The following DPP6 variants were observed in gnomAD, a reference collection of about 807,000 sequenced individuals.
DPP6 encodes the protein dipeptidyl peptidase like 6, also known as A-type potassium channel modulatory protein DPP6.
In DPP6, 69 loss-of-function variants were observed where a neutral mutation model predicts 122.6. The observed-to-expected ratio is 0.56, with a 90% confidence interval of 0.46 to 0.69. The LOEUF (loss-of-function observed/expected upper bound fraction) is 0.69, where lower values mean the gene tolerates loss of function less well. Among genes scored for constraint, DPP6 ranks in the 30% least tolerant of loss-of-function variants. The pLI, the probability that DPP6 is intolerant of heterozygous loss-of-function variation, is 0.00. For missense variants in DPP6, 928 were observed against 1,116.9 expected (o/e 0.83, Z 2.41); for synonymous variants, 418 against 433.1 (o/e 0.97, Z 0.43).
At chr7:154,014,014 C>T (rs1462680826) in intron 1 of DPP6, among the ~76,000 whole-genome samples, 1 of 152,152 alleles carries the variant, frequency 6.6e-6, no homozygotes, top group African/African-American at 2.4e-5. Context: ...CTCTTCCCAG[C>T]CCAGGATTGC....
At chr7:153,894,303 TTCCATGACC>T (rs1275377090) in intron 1 of DPP6, among the ~76,000 whole-genome samples, 1 of 152,212 alleles carries the variant, frequency 6.6e-6, no homozygotes, top group Non-Finnish European at 1.5e-5. Context: ...CATAGAAGAA[TTCCATGACC>T]TCTTTTGGTT....
the DPP6 span, among the ~76,000 whole-genome samples, chr7:153,864,678 C>T: frequency 9.0e-5 from 2 of 22,284 alleles, no homozygotes; most frequent in African/African-American, 1.8e-4. Flanking sequence ...ATAATACACA[C>T]ACACACACAC....
At chr7:153,899,226 C>CTTCTCCTCCTCCTT (rs1799541417) in intron 1 of DPP6, among the ~76,000 whole-genome samples, 1 of 150,984 alleles carries the variant, frequency 6.6e-6, no homozygotes, top group African/African-American at 2.4e-5. Context: ...TCCTCCTCCT[C>CTTCTCCTCCTCCTT]CTTTGATTAT....
At chr7:153,814,425 G>A in the DPP6 span, among the ~76,000 whole-genome samples, 1 of 152,180 alleles carries the variant, frequency 6.6e-6, no homozygotes, top group South Asian at 2.1e-4. Flanking sequence ...TTGACTCTCT[G>A]AATACACCAA....
chr7:154,757,048 G>A (rs1244883012), intron 8 of DPP6, among the ~76,000 whole-genome samples: 1 of 150,684 alleles, frequency 6.6e-6, no homozygotes, highest in African/African-American at 2.5e-5. Context: ...TGAGGAACAG[G>A]CCAGCCTCTT....
intron 25 of DPP6, among the ~76,000 whole-genome samples, 197 bp from the exon 26 acceptor site, chr7:154,892,133 TCTGA>T (rs1161588279): frequency 6.6e-6 from 1 of 152,102 alleles, no homozygotes; most frequent in African/African-American, 2.4e-5. Context: ...GAGGCGCCCC[TCTGA>T]CTGGGACAGC....
chr7:154,182,604 A>G (rs866057360), intron 1 of DPP6, among the ~76,000 whole-genome samples: 39 of 152,158 alleles, frequency 2.6e-4, no homozygotes, highest in African/African-American at 9.4e-4. Flanking sequence ...CTGCTCACAC[A>G]CAGATGTCAA....
At chr7:153,784,919 A>G in the DPP6 span, among the ~76,000 whole-genome samples, 3 of 152,248 alleles carry the variant, frequency 2.0e-5, no homozygotes, top group Non-Finnish European at 4.4e-5. Flanking sequence ...AATTATTGCA[A>G]AATAACCTCT....
intron 2 of DPP6, among the ~76,000 whole-genome samples, chr7:154,456,187 T>C (rs963549457): frequency 2.6e-5 from 4 of 152,186 alleles, no homozygotes; most frequent in African/African-American, 9.7e-5. Context: ...AAATTCCAGA[T>C]TGAAATGGTT....
intron 1 of DPP6, among the ~76,000 whole-genome samples, chr7:154,400,380 A>G (rs1354102550): frequency 6.6e-6 from 1 of 152,212 alleles, no homozygotes; most frequent in African/African-American, 2.4e-5. Context: ...CTTATGAGGG[A>G]CAATGAAAGG....
chr7:154,830,482 A>G (rs1205767253), intron 16 of DPP6, among the ~76,000 whole-genome samples: 1 of 152,256 alleles, frequency 6.6e-6, no homozygotes, highest in African/African-American at 2.4e-5. Flanking sequence ...ACGTTGTGAC[A>G]TAGATAATTG....
At chr7:153,849,275 CT>C in the DPP6 span, among the ~76,000 whole-genome samples, 40,098 of 146,532 alleles carry the variant, frequency 0.27, 5,386 homozygotes, top group South Asian at 0.43. Flanking sequence ...TATATGTTTT[CT>C]TTTTTTTTTT....
intron 1 of DPP6, among the ~76,000 whole-genome samples, chr7:153,946,078 G>A (rs1801935451): frequency 6.6e-6 from 1 of 152,154 alleles, no homozygotes; most frequent in Admixed American, 6.5e-5. Flanking sequence ...ATAGCTCTGA[G>A]CAGAAAACAC....
In DPP6 at chr7:153,968,097, G is replaced by A. The variant is rs377033368; in HGVS notation, c.51+80363G>A. On this transcript the variant is annotated intron_variant, in intron 1 of 25. Coordinates refer to the DPP6 transcript ENST00000404039. The stretch of plus-strand genomic sequence containing the variant: ...TACCCAGTAGTGGGATTGCTGGGTC[G>A]AATGGTATTTCAACTCTTAGTTCTT... Among the ~76,000 whole-genome samples the A allele has an allele frequency of 8.0e-3, 1,145 of 142,522 alleles. 18 individuals are homozygous for A. The highest frequency in any genetic ancestry group is 0.033 in the East Asian group (172 of 5,154). 93.5% of individuals were successfully genotyped at this position (142,522 alleles called of 152,430 possible).
intron 16 of DPP6, among the ~76,000 whole-genome samples, chr7:154,812,727 A>G (rs1799151560): frequency 6.6e-6 from 1 of 152,192 alleles, no homozygotes; most frequent in Non-Finnish European, 1.5e-5. Flanking sequence ...CACTCAGTCC[A>G]TTGTAATCAT....
chr7:153,817,941 A>C, the DPP6 span, among the ~76,000 whole-genome samples: 1 of 151,918 alleles, frequency 6.6e-6, no homozygotes, highest in African/African-American at 2.4e-5. Context: ...ACACTAGTGC[A>C]TCAAAAGAAA....
intron 1 of DPP6, among the ~76,000 whole-genome samples, chr7:154,141,446 C>G (rs1487564036): frequency 6.6e-6 from 1 of 152,176 alleles, no homozygotes; most frequent in East Asian, 1.9e-4. Context: ...GTCTTGTTTA[C>G]TGCTCTATCT....
At chr7:154,777,855 G>T (rs1391462110) in intron 10 of DPP6, among the ~76,000 whole-genome samples, 3 of 152,018 alleles carry the variant, frequency 2.0e-5, no homozygotes, top group Admixed American at 6.5e-5. Flanking sequence ...TCCACCACCC[G>T]CTTCCACGGC....
intron 21 of DPP6, chr7:154,881,187 G>C: frequency 1.7e-6 from 1 of 576,538 alleles, no homozygotes; most frequent in Non-Finnish European, 2.8e-6. Context: ...GTCCCCGCAG[G>C]AGAGCTCTAA....
Sources: allele counts gnomAD v4.1 joint callset (sites outside exome capture counted in the v4.1 genomes callset), GRCh38; gene constraint gnomAD v4.1.1; transcripts MANE v1.5; gene names NCBI Gene and HGNC (gene_info 2026-07-23, HGNC 2026-07-21).